Variants in DNAH12 observed in about 807,000 individuals in gnomAD.
The protein encoded by DNAH12 is dynein axonemal heavy chain 12.
DNAH12 carries 285 observed loss-of-function variants against 371.5 expected under a neutral mutation model. The ratio of observed to expected loss-of-function variants is 0.77; its 90% CI spans 0.70 to 0.85. The LOEUF is 0.85. Ranked by LOEUF, DNAH12 falls within the 40% of genes least tolerant of loss-of-function variation. The pLI, the probability that DNAH12 is intolerant of heterozygous loss-of-function variation, is 0.00. For synonymous variants in DNAH12, 1,200 were observed against 1,213.0 expected (o/e 0.99, Z 0.22); for missense variants, 3,611 against 3,689.4 (o/e 0.98, Z 0.55).
At chr3:57,306,137 C>T (rs189933505) in intron 69 of DNAH12, among the ~76,000 whole-genome samples, 3 of 152,176 alleles carry the variant, frequency 2.0e-5, no homozygotes, top group Non-Finnish European at 2.9e-5. Flanking sequence ...CAGATCTTCT[C>T]CGCTTAGCGG....
At chr3:57,394,626 C>T (rs1225109436) in intron 43 of DNAH12, among the ~76,000 whole-genome samples, 1 of 152,134 alleles carries the variant, frequency 6.6e-6, no homozygotes, top group African/African-American at 2.4e-5. Context: ...AGACTTGAAA[C>T]AGAGAGAATC....
chr3:57,358,001 C>T (rs1009688016), intron 58 of DNAH12, among the ~76,000 whole-genome samples: 5 of 152,192 alleles, frequency 3.3e-5, no homozygotes, highest in African/African-American at 4.8e-5. Context: ...TCAACTCAAT[C>T]GGATAGGTTG....
chr3:57,303,105 C>T (rs980787592), intron 69 of DNAH12, among the ~76,000 whole-genome samples: 12 of 151,264 alleles, frequency 7.9e-5, no homozygotes, highest in African/African-American at 2.4e-4. Flanking sequence ...TTGGAGAGGC[C>T]GACGCGGGTG....
At chr3:57,423,011 T>C (rs2064640184) in intron 35 of DNAH12, among the ~76,000 whole-genome samples, 1 of 152,074 alleles carries the variant, frequency 6.6e-6, no homozygotes, top group Non-Finnish European at 1.5e-5. Context: ...CATAAAATAC[T>C]TCTAGAATTC....
rs543534208 is a variant in DNAH12 at position 57,428,930 on chromosome 3, C to T, written c.5065-109G>A. The T allele has an allele frequency of 1.2e-5, 14 of 1,128,184 alleles. No individual in the cohort carries two copies. In the African/African-American group the frequency reaches 2.2e-4, roughly 18 times the overall value. The allele number at this position is 1,128,184 out of a possible 1,614,324, so 69.9% of individuals were successfully genotyped here. On this transcript the variant is annotated intron_variant, in intron 33 of 73. Transcript: ENST00000495027. ...ATGAGATCCTTTATAATCTAGCTCCCATCTGCTTCACATAGCTTCACACAG... is the reference window on the plus strand; with the variant it reads ...ATGAGATCCTTTATAATCTAGCTCCTATCTGCTTCACATAGCTTCACACAG...
At chr3:57,359,233 T>C (rs36147463) in intron 58 of DNAH12, among the ~76,000 whole-genome samples, 103,190 of 152,112 alleles carry the variant, frequency 0.68, 35,749 homozygotes, top group Non-Finnish European at 0.77. Context: ...CCATTAGTGT[T>C]CTAAAATCAA....
intron 60 of DNAH12, among the ~76,000 whole-genome samples, chr3:57,340,287 T>A: frequency 1.4e-5 from 2 of 144,212 alleles, no homozygotes; most frequent in African/African-American, 2.6e-5. Context: ...CAAACCAAAC[T>A]CAAAATTAGA....
At chr3:57,410,056 T>C (rs970257843) in intron 39 of DNAH12, among the ~76,000 whole-genome samples, 1 of 152,236 alleles carries the variant, frequency 6.6e-6, no homozygotes, top group African/African-American at 2.4e-5. Context: ...CTTGGGGGAA[T>C]GGTACTTTGA....
intron 25 of DNAH12, 108 bp downstream of exon 25, chr3:57,452,735 G>C (rs1174997738): frequency 1.9e-6 from 2 of 1,051,556 alleles, no homozygotes; most frequent in African/African-American, 1.6e-5. Context: ...TTCAGGATTA[G>C]AAAGGGATAA....
At chr3:57,482,011 G>T (rs572519721) in intron 13 of DNAH12, among the ~76,000 whole-genome samples, 1 of 152,276 alleles carries the variant, frequency 6.6e-6, no homozygotes, top group South Asian at 2.1e-4. Flanking sequence ...ATAGGCATGG[G>T]CAAGGACTTC....
intron 29 of DNAH12, among the ~76,000 whole-genome samples, chr3:57,439,986 C>T (rs1178262077): frequency 6.6e-6 from 1 of 152,142 alleles, no homozygotes; most frequent in Non-Finnish European, 1.5e-5. Context: ...GATACCATCT[C>T]ATACAAGTCA....
At chr3:57,413,474 C>G (rs2064267949) in intron 39 of DNAH12, among the ~76,000 whole-genome samples, 1 of 152,014 alleles carries the variant, frequency 6.6e-6, no homozygotes, top group Admixed American at 6.6e-5. Context: ...GCAGGCTTAT[C>G]ATTTGTAACA....
chr3:57,533,592 C>T (rs2068924628), intron 2 of DNAH12, among the ~76,000 whole-genome samples: 2 of 152,176 alleles, frequency 1.3e-5, no homozygotes, highest in South Asian at 2.1e-4. Flanking sequence ...CCGCATCCTT[C>T]CCTTCAAGGC....
At chr3:57,534,421 G>A (rs1347957212) in intron 2 of DNAH12, among the ~76,000 whole-genome samples, 1 of 151,414 alleles carries the variant, frequency 6.6e-6, no homozygotes, top group Admixed American at 6.6e-5. Context: ...GTTCAGTGGA[G>A]CCTTCTATTA....
chr3:57,357,886 C>CAA (rs2062836844), intron 58 of DNAH12, among the ~76,000 whole-genome samples: 1 of 152,134 alleles, frequency 6.6e-6, no homozygotes, highest in African/African-American at 2.4e-5. Flanking sequence ...GTTTTATATA[C>CAA]AAGAATGCTT....
In DNAH12 at chr3:57,431,907, A is replaced by G. The variant is rs548218650; in HGVS notation, c.4980+1460T>C. Among the ~76,000 whole-genome samples the G allele has an allele frequency of 2.8e-4, 42 of 152,300 alleles. 1 individual carries two copies. The South Asian group carries it at 8.7e-3, about 32-fold the overall frequency. On this transcript the variant is annotated intron_variant, in intron 32 of 73. Coordinates refer to ENST00000495027, the MANE Select transcript of DNAH12 (RefSeq NM_001366028.2). ...CCCATCACTTCACGAAGAAAAGAGA[A>G]ATCATCACAAGGATTTGCCTTCAAA...
chr3:57,293,994 A>C, intron 73 of DNAH12, 23 bp from the exon 74 acceptor site: 4 of 1,436,094 alleles, frequency 2.8e-6, no homozygotes, highest in Non-Finnish European at 3.7e-6. Flanking sequence ...AAAGAAATAT[A>C]TTCACTTGAT....
rs1002206792 is a variant in DNAH12, at chr3:57,352,133, T to C, written c.9626A>G (p.Glu3209Gly). The C allele has an allele frequency of 2.6e-6, 4 of 1,541,762 alleles. No individual in the cohort carries two copies. Among genetic ancestry groups the C allele is most frequent in the Admixed American group, 2.0e-5 (1 of 49,000 alleles). ...LYCNICRSLFEKDKLLFSFLL... is the reference protein window; with the variant it reads ...LYCNICRSLFGKDKLLFSFLL... Reference sequence around the variant, plus strand: ...AAAGGAAAATAACAGCTTGTCCTTCTCAAATAGTGATCGGCATATATTACA... The same window carrying C: ...AAAGGAAAATAACAGCTTGTCCTTCCCAAATAGTGATCGGCATATATTACA... Residue 3209 changes from glutamate to glycine, a missense_variant, in exon 60 of 74, where the codon GAG becomes GGG. Around this residue, in one of 3 missense-constraint regions of DNAH12, gnomAD observed 2,266 missense variants for 2,236.9 expected, o/e 1.01. Transcript: ENST00000495027.
At chr3:57,295,619 T>C in intron 72 of DNAH12, 27 bp from the exon 73 acceptor site, 1 of 1,515,526 alleles carries the variant, frequency 6.6e-7, no homozygotes, top group Non-Finnish European at 8.9e-7. Flanking sequence ...ACAGAAATTA[T>C]TAGAAATAAC....
Sources: allele counts gnomAD v4.1 joint callset (sites outside exome capture counted in the v4.1 genomes callset), GRCh38; gene constraint gnomAD v4.1.1; regional missense constraint gnomAD v4.1.1; transcripts MANE v1.5; gene names NCBI Gene and HGNC (gene_info 2026-07-23, HGNC 2026-07-21).